MYO16: variants seen among roughly 807,000 people sequenced by gnomAD.
MYO16 encodes unconventional myosin-XVI.
MYO16 carries 94 observed loss-of-function variants against 205.3 expected under a neutral mutation model. The observed-to-expected ratio is 0.46, with a 90% CI of 0.39 to 0.54. The LOEUF is 0.54. Ranked by LOEUF, MYO16 falls within the 20% of genes least tolerant of loss-of-function variation. MYO16 has a pLI of 0.00. For missense variants in MYO16, 2,315 were observed against 2,387.5 expected (o/e 0.97, Z 0.63); for synonymous variants, 988 against 954.0 (o/e 1.04, Z -0.66).
In MYO16 at chr13:108,747,087, TAA is replaced by T. The variant is rs368679406; in HGVS notation, c.507+19506_507+19507del. Among the ~76,000 whole-genome samples, 443 of 152,304 alleles carry T rather than the reference TAA, an allele frequency of 2.9e-3. 2 individuals carry two copies. The highest frequency in any genetic ancestry group is 0.01 in the African/African-American group (420 of 41,568). On this transcript the variant is annotated intron_variant, in intron 4 of 34. Transcript: ENST00000457511. ...CCTTCAATTATCCTGTGAAAAAGAA[TAA>T]AGTTTCTCAGACAAACAAAAGTTGA...
chr13:108,556,172 C>T, the MYO16 span, among the ~76,000 whole-genome samples: 1 of 151,856 alleles, frequency 6.6e-6, no homozygotes, highest in Non-Finnish European at 1.5e-5. Flanking sequence ...GTAAGACTGC[C>T]GGATCATATG....
chr13:108,690,813 A>G (rs1882866725), intron 2 of MYO16, among the ~76,000 whole-genome samples: 1 of 152,220 alleles, frequency 6.6e-6, no homozygotes, highest in Non-Finnish European at 1.5e-5. Flanking sequence ...AAAATAAAAT[A>G]CTATTTTAAA....
At chr13:109,203,841 G>A (rs569099258) in intron 34 of MYO16, among the ~76,000 whole-genome samples, 4 of 152,244 alleles carry the variant, frequency 2.6e-5, no homozygotes, top group South Asian at 2.1e-4. Flanking sequence ...GGCCTAGGGC[G>A]CCCATCACCC....
chr13:108,688,760 T>G (rs1192617041), intron 2 of MYO16, among the ~76,000 whole-genome samples: 1 of 152,186 alleles, frequency 6.6e-6, no homozygotes, highest in Non-Finnish European at 1.5e-5. Context: ...TTGTATAAAT[T>G]TATTAAAGTG....
chr13:109,155,315 C>T (rs1459564950), intron 32 of MYO16, among the ~76,000 whole-genome samples: 3 of 152,166 alleles, frequency 2.0e-5, no homozygotes, highest in East Asian at 1.9e-4. Flanking sequence ...TAAGTATCTG[C>T]GGCACTCGCT....
At chr13:109,084,240 C>A (rs1308277753) in intron 27 of MYO16, among the ~76,000 whole-genome samples, 1 of 152,024 alleles carries the variant, frequency 6.6e-6, no homozygotes, top group Non-Finnish European at 1.5e-5. Context: ...GGTGCAGTAG[C>A]CTAGAGAAGC....
At chr13:108,974,774 A>G (rs1257666007) in intron 20 of MYO16, among the ~76,000 whole-genome samples, 3 of 152,168 alleles carry the variant, frequency 2.0e-5, no homozygotes, top group Non-Finnish European at 4.4e-5. Flanking sequence ...ATTATTTTTA[A>G]TGGATTTGAT....
At chr13:108,846,641 A>G (rs770590364) in intron 10 of MYO16, among the ~76,000 whole-genome samples, 3 of 152,080 alleles carry the variant, frequency 2.0e-5, no homozygotes, top group Non-Finnish European at 4.4e-5. Flanking sequence ...ATTGAACACT[A>G]TTTTTAAACT....
intron 4 of MYO16, among the ~76,000 whole-genome samples, chr13:108,782,466 G>C (rs568297602): frequency 2.0e-5 from 3 of 152,184 alleles, no homozygotes; most frequent in Admixed American, 6.5e-5. Context: ...CAGCATAAAA[G>C]TTCAGAAAAT....
the MYO16 span, among the ~76,000 whole-genome samples, chr13:108,505,836 C>T: frequency 0.13 from 19,220 of 151,886 alleles, 1,356 homozygotes; most frequent in East Asian, 0.23. Flanking sequence ...TGAGTTGTTT[C>T]TTTTGCTGCA....
intron 23 of MYO16, among the ~76,000 whole-genome samples, chr13:109,045,110 G>A (rs1043417921): frequency 6.6e-6 from 1 of 152,166 alleles, no homozygotes; most frequent in Non-Finnish European, 1.5e-5. Context: ...ATTCCACATA[G>A]CTTTGAAGAT....
intron 23 of MYO16, among the ~76,000 whole-genome samples, chr13:109,033,653 G>A (rs1371920300): frequency 6.6e-6 from 1 of 152,160 alleles, no homozygotes; most frequent in African/African-American, 2.4e-5. Context: ...AGATTCCCCA[G>A]GAAAAGTTAA....
chr13:109,188,464 C>A (rs1483506080), intron 34 of MYO16, among the ~76,000 whole-genome samples: 4 of 152,164 alleles, frequency 2.6e-5, no homozygotes, highest in Non-Finnish European at 5.9e-5. Flanking sequence ...GACAACCTTT[C>A]ATGAGACCAT....
At chr13:109,146,755 C>T (rs1264173545) in intron 32 of MYO16, among the ~76,000 whole-genome samples, 4 of 151,480 alleles carry the variant, frequency 2.6e-5, no homozygotes, top group Non-Finnish European at 5.9e-5. Flanking sequence ...GTGGTTGCTC[C>T]ACTACACTCC....
At chr13:108,869,731 TAAAA>T (rs68025820) in intron 12 of MYO16, among the ~76,000 whole-genome samples, 7 of 67,024 alleles carry the variant, frequency 1.0e-4, no homozygotes, top group African/African-American at 2.1e-4. Flanking sequence ...ACTCCGTTTC[TAAAA>T]AAAAAAAAAA....
At chr13:108,762,025 G>A (rs1885625405) in intron 4 of MYO16, among the ~76,000 whole-genome samples, 1 of 152,098 alleles carries the variant, frequency 6.6e-6, no homozygotes, top group South Asian at 2.1e-4. Context: ...AGCCTCCAAT[G>A]TCTATCATTC....
the MYO16 span, among the ~76,000 whole-genome samples, chr13:108,550,378 A>G: frequency 6.6e-6 from 1 of 152,372 alleles, no homozygotes; most frequent in East Asian, 1.9e-4. Context: ...AAGTCATGTC[A>G]GAAACTGAGC....
chr13:109,021,059 C>T (rs926129999), intron 23 of MYO16, among the ~76,000 whole-genome samples: 7 of 151,912 alleles, frequency 4.6e-5, no homozygotes, highest in Middle Eastern at 3.4e-3. Flanking sequence ...CAAACCCAGA[C>T]CTTCAAAGGT....
intron 23 of MYO16, among the ~76,000 whole-genome samples, chr13:109,040,383 C>CAGAGAGAGAGAGAGAGAGAGAG (rs1482536301): frequency 1.0e-4 from 7 of 70,072 alleles, no homozygotes; most frequent in African/African-American, 2.6e-4. Context: ...CACACACACA[C>CAGAGAGAGAGAGAGAGAGAGAG]ACAGAGAGAG....
Sources: allele counts gnomAD v4.1 joint callset (sites outside exome capture counted in the v4.1 genomes callset), GRCh38; gene constraint gnomAD v4.1.1; transcripts MANE v1.5; gene names NCBI Gene and HGNC (gene_info 2026-07-23, HGNC 2026-07-21).